The following DENND4C variants were observed in gnomAD, a reference collection of about 807,000 sequenced individuals.
DENND4C encodes DENN domain containing 4C.
Under a neutral mutation model 203.0 loss-of-function variants are expected in DENND4C, and 108 were observed. The ratio of observed to expected loss-of-function variants is 0.53; its 90% CI spans 0.46 to 0.62. DENND4C has a LOEUF of 0.62. Ranked by LOEUF, DENND4C falls within the 20% of genes least tolerant of loss-of-function variation. The pLI is 0.00. For synonymous variants in DENND4C, 871 were observed against 792.4 expected, an observed-to-expected ratio of 1.10 and a Z score of -1.67; for missense variants, 2,481 against 2,301.2, an observed-to-expected ratio of 1.08 and a Z score of -1.60.
chr9:19,303,471 G>C (rs1405385367), intron 9 of DENND4C, among the ~76,000 whole-genome samples: 1 of 152,162 alleles, frequency 6.6e-6, no homozygotes, highest in Non-Finnish European at 1.5e-5. Flanking sequence ...TTAAATGGTT[G>C]TGACAGAGAC....
chr9:19,312,140 G>A (rs1588895210), intron 10 of DENND4C, among the ~76,000 whole-genome samples: 1 of 152,254 alleles, frequency 6.6e-6, no homozygotes, highest in East Asian at 1.9e-4. Context: ...GTCTTGCTCT[G>A]TCGCCCAGGC....
At position 19,352,139 on chromosome 9, in the gene DENND4C, A is replaced by C; in HGVS notation, c.4562A>C (p.Gln1521Pro). The C allele has an allele frequency of 6.2e-7, 1 of 1,613,970 alleles. No individual in the cohort carries two copies. The highest frequency in any genetic ancestry group is 1.1e-5 in the South Asian group (1 of 91,076). The part of the protein sequence containing the change: ...DFEKSDHGSS[Q>P]NTSMSSIYQN... ...GAAAAATCAGATCATGGTTCTTCTC[A>C]AAATACCAGCATGTCTAGCATCTAT... The change falls in exon 25 of 33, where the codon CAA becomes CCA. Residue 1521 changes from glutamine to proline, a missense_variant. Gln to Pro is a moderately conservative substitution (Grantham distance 76). Coordinates refer to ENST00000434457, the MANE Select transcript of DENND4C (RefSeq NM_001330640.2).
intron 23 of DENND4C, 124 bp from the exon 24 acceptor site, chr9:19,350,578 A>G (rs746838293): frequency 5.1e-6 from 4 of 777,734 alleles, no homozygotes; most frequent in Non-Finnish European, 7.8e-6. Context: ...ATGGTTTTGA[A>G]AAATGTGGGG....
chr9:19,237,874 C>G (rs918841868), intron 1 of DENND4C, among the ~76,000 whole-genome samples: 1 of 152,096 alleles, frequency 6.6e-6, no homozygotes, highest in African/African-American at 2.4e-5. Context: ...TTTAATTTCA[C>G]TACATCCAAA....
intron 1 of DENND4C, among the ~76,000 whole-genome samples, chr9:19,264,335 T>C (rs750740205): frequency 3.2e-4 from 48 of 152,084 alleles, no homozygotes; most frequent in Non-Finnish European, 5.9e-4. Context: ...AGTCTCACCC[T>C]GTTATCCAGG....
chr9:19,237,945 G>A (rs1822440212), intron 1 of DENND4C, among the ~76,000 whole-genome samples: 1 of 152,102 alleles, frequency 6.6e-6, no homozygotes, highest in African/African-American at 2.4e-5. Context: ...TGCAAAGTGG[G>A]TGGTTTCTAA....
At chr9:19,298,161 A>T (rs765330453) in intron 7 of DENND4C, 39 bp downstream of exon 7, 59 of 1,551,938 alleles carry the variant, frequency 3.8e-5, no homozygotes, top group Non-Finnish European at 5.1e-5. Context: ...AACTTTGCAT[A>T]TGCTCACCTG....
Position 19,350,717 on chromosome 9 carries a change from G to C in DENND4C, c.4333G>C (p.Asp1445His), listed in dbSNP as rs1823915756. The change falls in exon 24 of 33, where the codon GAC becomes CAC. Residue 1445 changes from aspartate (D) to histidine (H), a missense_variant. This residue lies in a region of DENND4C where 2,289 missense variants were observed against 2,113.3 expected (regional missense o/e 1.08). Coordinates refer to ENST00000434457, the MANE Select transcript of DENND4C (RefSeq NM_001330640.2). ...YSDDEEETNR[D>H]YSFPAGLEDH... ...TCAATTAAAGGAAGAAACTAATAGA[G>C]ACTACAGCTTCCCAGCTGGCCTAGA... 1 of 1,612,410 alleles carries C rather than the reference G, an allele frequency of 6.2e-7. No individual in the cohort carries two copies. Among genetic ancestry groups the C allele is most frequent in the Non-Finnish European group, 8.5e-7 (1 of 1,179,454 alleles).
chr9:19,299,714 C>T (rs934205029), intron 8 of DENND4C, among the ~76,000 whole-genome samples: 1 of 152,170 alleles, frequency 6.6e-6, no homozygotes, highest in African/African-American at 2.4e-5. Flanking sequence ...TACTTATCTT[C>T]CTTTAGTTCT....
chr9:19,316,234 A>G (rs1841825958), intron 10 of DENND4C, among the ~76,000 whole-genome samples, 183 bp from the exon 11 acceptor site: 1 of 152,232 alleles, frequency 6.6e-6, no homozygotes, highest in Non-Finnish European at 1.5e-5. Context: ...GCTAAATTTG[A>G]CAGAGGTCGA....
At position 19,316,516 on chromosome 9, in the gene DENND4C, A is replaced by T. The variant is rs1163504462; in HGVS notation, c.1587A>T (p.Ser529=). The change falls in exon 11 of 33, where the codon TCA becomes TCT. Residue 529 remains serine (S), a splice_region_variant and synonymous_variant. Coordinates refer to ENST00000434457, the MANE Select transcript of DENND4C (RefSeq NM_001330640.2). ...AGAAATTGTATCCCCAGCTGTCTTC[A>T]GGTAATGTGAGGGAAAAGGAATATT... The part of the protein sequence containing the change: ...TLKKLYPQLS[S]VHQKTQEGSA... 3.7e-6 allele frequency: 6 copies of T among 1,611,044 alleles called. No homozygotes were observed. In the South Asian group the frequency reaches 6.6e-5, roughly 18 times the overall value.
intron 1 of DENND4C, among the ~76,000 whole-genome samples, chr9:19,245,165 T>G (rs934672049): frequency 6.6e-6 from 1 of 152,146 alleles, no homozygotes; most frequent in South Asian, 2.1e-4. Context: ...ATTGGTCTGA[T>G]TTTTTTAAAA....
At chr9:19,342,335 C>A (rs940503942) in intron 21 of DENND4C, among the ~76,000 whole-genome samples, 2 of 152,010 alleles carry the variant, frequency 1.3e-5, no homozygotes, top group African/African-American at 2.4e-5. Flanking sequence ...AGAAACAAGC[C>A]CCTCTCCATT....
intron 1 of DENND4C, among the ~76,000 whole-genome samples, chr9:19,247,771 T>G (rs919580155): frequency 3.5e-4 from 54 of 152,218 alleles, no homozygotes; most frequent in African/African-American, 1.3e-3. Context: ...AATTATTGGT[T>G]TATTTCCTCA....
At position 19,336,800 on chromosome 9, in the gene DENND4C, G is replaced by A; in HGVS notation, c.2849G>A (p.Arg950Lys). 1 of 1,550,638 alleles carries A rather than the reference G, an allele frequency of 6.4e-7. No homozygotes were observed. The highest frequency in any genetic ancestry group is 2.0e-5 in the Admixed American group (1 of 51,002). ...ACAGTCTTCGTCAGAGATTTAATCA[G>A]GCTTGAGTCCATTGATAATCACTCT... ...EHTVFVRDLIRLESIDNHSST... is the reference protein window; with the variant it reads ...EHTVFVRDLIKLESIDNHSST... Residue 950 changes from arginine (R) to lysine (K), a missense_variant, in exon 20 of 33, where the codon AGG becomes AAG. Transcript: ENST00000434457.
At chr9:19,262,289 T>A (rs1313759395) in intron 1 of DENND4C, among the ~76,000 whole-genome samples, 1 of 151,820 alleles carries the variant, frequency 6.6e-6, no homozygotes, top group Non-Finnish European at 1.5e-5. Flanking sequence ...GGTTTCACCA[T>A]GTTGGCCAGG....
At chr9:19,238,460 TC>T (rs1822620518) in intron 1 of DENND4C, among the ~76,000 whole-genome samples, 3 of 21,282 alleles carry the variant, frequency 1.4e-4, no homozygotes, top group Non-Finnish European at 2.6e-4. Context: ...TCCCCTCCCC[TC>T]CCCTCCCTCT....
chr9:19,315,792 G>A (rs1384748003), intron 10 of DENND4C, among the ~76,000 whole-genome samples: 9 of 150,992 alleles, frequency 6.0e-5, no homozygotes, highest in African/African-American at 1.9e-4. Flanking sequence ...TGCAACCTCC[G>A]CCTCCTGGGT....
chr9:19,260,668 A>G (rs1026839839), intron 1 of DENND4C, among the ~76,000 whole-genome samples: 3 of 152,162 alleles, frequency 2.0e-5, no homozygotes, highest in African/African-American at 7.2e-5. Context: ...AAGTGCTGTA[A>G]TTACAGGTGT....
Sources: allele counts gnomAD v4.1 joint callset (sites outside exome capture counted in the v4.1 genomes callset), GRCh38; gene constraint gnomAD v4.1.1; regional missense constraint gnomAD v4.1.1; transcripts MANE v1.5; gene names NCBI Gene and HGNC (gene_info 2026-07-23, HGNC 2026-07-21).